TNP2: variants seen among roughly 807,000 people sequenced by gnomAD.
TNP2 encodes nuclear transition protein 2.
In TNP2, 10 loss-of-function variants were observed where a neutral mutation model predicts 8.5. That is an observed-to-expected ratio of 1.17 (90% CI 0.72 to 1.99). TNP2 has a LOEUF of 1.99. Among genes scored for constraint, TNP2 ranks in the 30% most tolerant of loss-of-function variants. The probability of loss-of-function intolerance (pLI) is 0.00; values close to 1 mark genes in which losing one functional copy is unlikely to be tolerated. For synonymous variants in TNP2, 80 were observed against 62.3 expected (o/e 1.28, Z -1.34); for missense variants, 222 against 181.2 (o/e 1.23, Z -1.29).
Position 11,268,761 on chromosome 16 carries a change from G to T in TNP2, c.400+102C>A, listed in dbSNP as rs534474479. On this transcript the variant is annotated intron_variant, in intron 1 of 1. Coordinates refer to ENST00000312693, the MANE Select transcript of TNP2 (RefSeq NM_005425.5). ...TTCTCCCTCTTCCTTCTTGCCTGTG[G>T]TTCCTTTGTGACCTGGCTGCAGCCT... 6.3e-6 allele frequency: 8 copies of T among 1,274,174 alleles called. No homozygotes were observed. In the African/African-American group the frequency reaches 8.9e-5, roughly 14 times the overall value. The allele number at this position is 1,274,174 out of a possible 1,614,324, so 78.9% of individuals were successfully genotyped here.
At chr16:11,268,759 T>C in intron 1 of TNP2, 104 bp downstream of exon 1, 1 of 1,236,824 alleles carries the variant, frequency 8.1e-7, no homozygotes, top group Non-Finnish European at 1.1e-6. Flanking sequence ...TTCTTGCCTG[T>C]GGTTCCTTTG....
chr16:11,268,639 T>C, intron 1 of TNP2: 1 of 501,144 alleles, frequency 2.0e-6, no homozygotes, highest in Non-Finnish European at 3.4e-6. Flanking sequence ...ATCTGCTATC[T>C]GTCCATCTTT....
chr16:11,267,958 G>A lies in TNP2; in HGVS notation c.*38C>T, dbSNP rs569906357. 7 of 1,606,742 alleles carry A rather than the reference G, an allele frequency of 4.4e-6. No homozygotes were observed. The African/African-American group carries it at 5.3e-5, about 12-fold the overall frequency. The stretch of plus-strand genomic sequence containing the variant: ...TTCATCCTAGCATTTTCTCCTTTGG[G>A]TGAAACACGCAGGAACAAGCCAAGG... On this transcript the variant is annotated 3_prime_UTR_variant, in exon 2 of 2. Transcript: ENST00000312693.
rs764271869 is a variant in TNP2 at position 11,269,268 on chromosome 16, G to C, written c.-6C>G. 6.3e-7 allele frequency: 1 copy of C among 1,595,744 alleles called. No homozygotes were observed. The highest frequency in any genetic ancestry group is 8.5e-7 in the Non-Finnish European group (1 of 1,176,616). ...CTGTGAGTCTGGGTGTCCATAGGAG[G>C]CCACGTTTGGAGGGGCAGGGCCTCC... On this transcript the variant is annotated 5_prime_UTR_variant, in exon 1 of 2. Transcript: ENST00000312693.
At chr16:11,268,287 A>G in intron 1 of TNP2, 2 of 415,132 alleles carry the variant, frequency 4.8e-6, no homozygotes, top group Non-Finnish European at 8.8e-6. Flanking sequence ...TAGTCTAGAT[A>G]TCTATTCTTC....
chr16:11,267,993 T>G lies in TNP2; in HGVS notation c.*3A>C. The stretch of plus-strand genomic sequence containing the variant: ...CAGGAACAAGCCAAGGAGTGCGGTC[T>G]CATTAGTTGGATTTCCATCCTAAGG... On this transcript the variant is annotated 3_prime_UTR_variant, in exon 2 of 2. Transcript: ENST00000312693. The G allele has an allele frequency of 6.2e-7, 1 of 1,612,266 alleles. No homozygotes were observed. Among genetic ancestry groups the G allele is most frequent in the East Asian group, 2.2e-5 (1 of 44,884 alleles).
At chr16:11,268,724 C>T (rs889405594) in intron 1 of TNP2, 139 bp downstream of exon 1, 1 of 898,710 alleles carries the variant, frequency 1.1e-6, no homozygotes, top group South Asian at 2.1e-5. Flanking sequence ...TAGCCAACTG[C>T]CATTGTTTCT....
rs2069747504 is a variant in TNP2 at position 11,268,954 on chromosome 16, G to A, written c.309C>T (p.Pro103=). ...MRPTILHCRC[P]KNRKNLEGKL... is the part of the protein sequence containing the mutation. ...TGCCTTCCAAGTTCTTTCTGTTCTT[G>A]GGGCAGCGGCAGTGCAGGATGGTGG... The change falls in exon 1 of 2, where the codon CCC becomes CCT. Residue 103 remains proline (P), a synonymous_variant. Coordinates refer to ENST00000312693, the MANE Select transcript of TNP2 (RefSeq NM_005425.5). 1 of 1,613,430 alleles carries A rather than the reference G, an allele frequency of 6.2e-7. No homozygotes were observed. The highest frequency in any genetic ancestry group is 1.7e-5 in the Admixed American group (1 of 59,868).
Position 11,269,106 on chromosome 16 carries a change from GGCTCTGGCTGGA to G in TNP2, c.145_156del (p.Ser49_Ser52del), listed in dbSNP as rs1855382480. On this transcript the variant is annotated inframe_deletion, in exon 1 of 2. Transcript: ENST00000312693. Reference sequence around the variant, plus strand: ...CCAGTTGGGTTGCGGTGGCTGGCCGGGCTCTGGCTGGAGCTCTGGCTCCGGCTGCCACGATGG... The same window carrying G: ...CCAGTTGGGTTGCGGTGGCTGGCCGGGCTCTGGCTCCGGCTGCCACGATGG... The G allele has an allele frequency of 6.2e-7, 1 of 1,613,958 alleles. No individual in the cohort carries two copies. Among genetic ancestry groups the G allele is most frequent in the East Asian group, 2.2e-5 (1 of 44,870 alleles).
chr16:11,268,155 G>T, intron 1 of TNP2, 143 bp from the exon 2 acceptor site: 1 of 714,280 alleles, frequency 1.4e-6, no homozygotes, highest in Non-Finnish European at 2.3e-6. Flanking sequence ...TACCGTCAGT[G>T]TCCTTTTGAC....
chr16:11,268,102 T>C, intron 1 of TNP2, 90 bp from the exon 2 acceptor site: 1 of 1,233,986 alleles, frequency 8.1e-7, no homozygotes, highest in Non-Finnish European at 1.2e-6. Context: ...GTCTTACAAC[T>C]ACTCATTTGT....
rs1277213243 is a variant in TNP2, at chr16:11,268,876, C to T, written c.387G>A (p.Lys129=). 6.3e-6 allele frequency: 10 copies of T among 1,586,794 alleles called. No homozygotes were observed. The East Asian group carries it at 2.2e-4, about 36-fold the overall frequency. Residue 129 remains lysine (K), a synonymous_variant, in exon 1 of 2, where the codon AAG becomes AAA. Transcript: ENST00000312693. ...AKRIQQVYKT[K]TRSSGWKSN is the part of the protein sequence containing the mutation. ...CTTAAAGGGTACCTGAGCTCCGCGT[C>T]TTGGTTTTGTACACCTGCTGGATCC...
Position 11,267,984 on chromosome 16 carries a change from A to C in TNP2, c.*12T>G, listed in dbSNP as rs2069730753. 1.2e-6 allele frequency: 2 copies of C among 1,611,764 alleles called. No individual in the cohort carries two copies. The highest frequency in any genetic ancestry group is 2.2e-5 in the South Asian group (2 of 90,266). ...TGAAACACGCAGGAACAAGCCAAGG[A>C]GTGCGGTCTCATTAGTTGGATTTCC... On this transcript the variant is annotated 3_prime_UTR_variant, in exon 2 of 2. Coordinates refer to ENST00000312693, the MANE Select transcript of TNP2 (RefSeq NM_005425.5).
At position 11,269,110 on chromosome 16, in the gene TNP2, C is replaced by T. The variant is rs1267665528; in HGVS notation, c.153G>A (p.Gln51=). 4 of 1,613,970 alleles carry T rather than the reference C, an allele frequency of 2.5e-6. No homozygotes were observed. The South Asian group carries it at 3.3e-5, about 13-fold the overall frequency. ...HRGSRSQSSS[Q]SPASHRNPTG... ...TTGGGTTGCGGTGGCTGGCCGGGCT[C>T]TGGCTGGAGCTCTGGCTCCGGCTGC... Residue 51 remains glutamine, a synonymous_variant, in exon 1 of 2, where the codon CAG becomes CAA. Coordinates refer to ENST00000312693, the MANE Select transcript of TNP2 (RefSeq NM_005425.5).
At chr16:11,268,266 TTC>T in intron 1 of TNP2, 2 of 464,710 alleles carry the variant, frequency 4.3e-6, no homozygotes, top group Non-Finnish European at 7.8e-6. Context: ...TTCTTTCCCA[TTC>T]TATCCCATTA....
chr16:11,268,613 T>G (rs1280536704), intron 1 of TNP2: 1 of 463,872 alleles, frequency 2.2e-6, no homozygotes, highest in African/African-American at 2.0e-5. Context: ...ACTCCATTCA[T>G]GCTTTCATCT....
In TNP2 at chr16:11,267,947, T is replaced by G. The variant is rs767307388; in HGVS notation, c.*49A>C. The G allele has an allele frequency of 1.3e-6, 2 of 1,597,886 alleles. No individual in the cohort carries two copies. Among genetic ancestry groups the G allele is most frequent in the Admixed American group, 3.4e-5 (2 of 58,362 alleles). The stretch of plus-strand genomic sequence containing the variant: ...AGAAGATTGACTTCATCCTAGCATT[T>G]TCTCCTTTGGGTGAAACACGCAGGA... On this transcript the variant is annotated 3_prime_UTR_variant, in exon 2 of 2. Coordinates refer to ENST00000312693, the MANE Select transcript of TNP2 (RefSeq NM_005425.5).
intron 1 of TNP2, 163 bp downstream of exon 1, chr16:11,268,700 A>T: frequency 1.4e-6 from 1 of 712,654 alleles, no homozygotes; most frequent in South Asian, 2.4e-5. Context: ...CCGTCAATGT[A>T]TCATACATTC....
In TNP2 at chr16:11,268,891, C is replaced by G. The variant is rs753220287; in HGVS notation, c.372G>C (p.Gln124His). ...KKKKMAKRIQ[Q>H]VYKTKTRSSG... Reference sequence around the variant, plus strand: ...AGCTCCGCGTCTTGGTTTTGTACACCTGCTGGATCCTCTTGGCCATTTTTT... The same window carrying G: ...AGCTCCGCGTCTTGGTTTTGTACACGTGCTGGATCCTCTTGGCCATTTTTT... The change falls in exon 1 of 2, where the codon CAG (glutamine) becomes CAC (histidine). Residue 124 changes from glutamine (Q) to histidine (H), a missense_variant. Transcript: ENST00000312693. The G allele has an allele frequency of 3.8e-6, 6 of 1,599,138 alleles. No homozygotes were observed. The South Asian group carries it at 4.5e-5, about 12-fold the overall frequency.
Sources: allele counts gnomAD v4.1 joint callset, GRCh38; gene constraint gnomAD v4.1.1; transcripts MANE v1.5; gene names NCBI Gene and HGNC (gene_info 2026-07-23, HGNC 2026-07-21).